EDA: variants seen among roughly 807,000 people sequenced by gnomAD.
EDA encodes the protein ectodysplasin A.
EDA carries 2 observed loss-of-function variants against 23.6 expected under a neutral mutation model. The ratio of observed to expected loss-of-function variants is 0.08; its 90% confidence interval spans 0.03 to 0.27. The LOEUF (loss-of-function observed/expected upper bound fraction) is 0.27, where lower values mean the gene tolerates loss of function less well. EDA is among the 10% of genes least tolerant of loss of function. The pLI, the probability that EDA is intolerant of heterozygous loss-of-function variation, is 1.00. For synonymous variants in EDA, 131 were observed against 132.0 expected (o/e 0.99, Z 0.05); for missense variants, 229 against 324.2 (o/e 0.71, Z 2.26).
At chrX:69,904,146 A>G (rs1422711095) in intron 1 of EDA, among the ~76,000 whole-genome samples, 5 of 111,634 alleles carry the variant, frequency 4.5e-5, no homozygotes, top group African/African-American at 1.6e-4. Flanking sequence ...ACAATGTGTA[A>G]TGATCAAATC....
intron 1 of EDA, among the ~76,000 whole-genome samples, chrX:69,646,885 G>A (rs1050847654): frequency 1.2e-4 from 13 of 111,911 alleles, no homozygotes; most frequent in Non-Finnish European, 2.1e-4. Context: ...TGAAAGGCAG[G>A]TCTGGTGGTA....
intron 1 of EDA, among the ~76,000 whole-genome samples, chrX:69,823,820 T>C (rs1466134785): frequency 7.6e-5 from 7 of 92,375 alleles, no homozygotes; most frequent in Non-Finnish European, 1.5e-4. Context: ...CTAGGGTTTT[T>C]ATGGTTTTAG....
At chrX:69,702,763 G>C (rs376429753) in intron 1 of EDA, among the ~76,000 whole-genome samples, 2 of 111,051 alleles carry the variant, frequency 1.8e-5, no homozygotes, top group Non-Finnish European at 3.8e-5. Flanking sequence ...AAAAAGCCTG[G>C]ACATAAGGAA....
In EDA at chrX:69,894,680, AT is replaced by A. The variant is rs1318479801; in HGVS notation, c.397-62345del. ...CTTTTTTGTGGCTATTGTGAGTGGG[AT>A]TGCATTCTTGATTTTGTTCTCAGCT... On this transcript the variant is annotated intron_variant, in intron 1 of 7. Coordinates refer to ENST00000374552, the MANE Select transcript of EDA (RefSeq NM_001399.5). Among the ~76,000 whole-genome samples the A allele has an allele frequency of 2.7e-5, 3 of 111,242 alleles. No homozygotes were observed. In the East Asian group the frequency reaches 8.5e-4, roughly 31 times the overall value.
intron 1 of EDA, among the ~76,000 whole-genome samples, chrX:69,750,037 C>CT (rs1279620831): frequency 2.0e-5 from 2 of 99,076 alleles, no homozygotes; most frequent in Admixed American, 2.3e-4. Flanking sequence ...TATGATTATA[C>CT]TTTAAGTTCT....
At position 69,751,417 on chromosome X, in the gene EDA, G is replaced by C. The variant is rs1330585232; in HGVS notation, c.396+134713G>C. ...TTTGGTACCAGTACCATGCTGTTTT[G>C]GTTACGGTGGCCTTGTAGTATAGTT... On this transcript the variant is annotated intron_variant, in intron 1 of 7. Coordinates refer to ENST00000374552, the MANE Select transcript of EDA (RefSeq NM_001399.5). 2.1e-4 allele frequency among the ~76,000 whole-genome samples: 24 copies of C among 112,426 alleles called. No individual in the cohort carries two copies. The Admixed American group carries it at 2.2e-3, about 10-fold the overall frequency.
At chrX:69,781,359 G>A (rs1461516298) in intron 1 of EDA, among the ~76,000 whole-genome samples, 1 of 111,603 alleles carries the variant, frequency 9.0e-6, no homozygotes, top group African/African-American at 3.3e-5. Flanking sequence ...ATTATCATCA[G>A]CAGTTTATGA....
intron 1 of EDA, among the ~76,000 whole-genome samples, chrX:69,876,029 C>T (rs1307070532): frequency 1.8e-5 from 2 of 111,891 alleles, no homozygotes; most frequent in Non-Finnish European, 3.8e-5. Context: ...CACTTTTGCA[C>T]TGCTGGTGGG....
intron 1 of EDA, among the ~76,000 whole-genome samples, chrX:69,681,181 G>A (rs767630886): frequency 4.5e-5 from 5 of 110,970 alleles, no homozygotes; most frequent in African/African-American, 9.8e-5. Context: ...GAGTTTCTGC[G>A]GAGAGATCTG....
intron 1 of EDA, among the ~76,000 whole-genome samples, chrX:69,801,743 A>G (rs2147488491): frequency 8.9e-6 from 1 of 112,044 alleles, no homozygotes; most frequent in East Asian, 2.8e-4. Flanking sequence ...ACTAATAAAC[A>G]TAAAAAGATT....
intron 1 of EDA, among the ~76,000 whole-genome samples, chrX:69,681,554 C>T (rs1014032744): frequency 8.1e-5 from 9 of 111,245 alleles, no homozygotes; most frequent in African/African-American, 2.9e-4. Flanking sequence ...CTTCCCTTCT[C>T]GCTTAATTTC....
intron 1 of EDA, among the ~76,000 whole-genome samples, chrX:69,892,900 T>A (rs2017955217): frequency 9.0e-6 from 1 of 111,486 alleles, no homozygotes; most frequent in African/African-American, 3.3e-5. Context: ...TTTCATTTAT[T>A]AATGTTACCT....
At chrX:70,018,991 A>G (rs1366995853) in intron 2 of EDA, among the ~76,000 whole-genome samples, 1 of 112,177 alleles carries the variant, frequency 8.9e-6, no homozygotes, top group Non-Finnish European at 1.9e-5. Context: ...AAACAAATAT[A>G]CAAGCAAAAA....
At chrX:69,871,664 A>G (rs946220982) in intron 1 of EDA, among the ~76,000 whole-genome samples, 3 of 112,083 alleles carry the variant, frequency 2.7e-5, no homozygotes, top group Admixed American at 9.5e-5. Flanking sequence ...ACACAGACAC[A>G]CCCAGGATTA....
rs760176625 is a variant in EDA, at chrX:69,734,616, G to A, written c.396+117912G>A. 4.1e-4 allele frequency among the ~76,000 whole-genome samples: 45 copies of A among 110,864 alleles called. 2 individuals carry two copies. The highest frequency in any genetic ancestry group is 1.2e-3 in the Admixed American group (12 of 10,421). On this transcript the variant is annotated intron_variant, in intron 1 of 7. Transcript: ENST00000374552. ...CTTTAACTATATCCAAAAAATTTTGGTATGTTGAATTTTCATTTTCATTCA... is the reference window on the plus strand; with the variant it reads ...CTTTAACTATATCCAAAAAATTTTGATATGTTGAATTTTCATTTTCATTCA...
chrX:69,890,241 G>A (rs923938680), intron 1 of EDA, among the ~76,000 whole-genome samples: 1 of 110,846 alleles, frequency 9.0e-6, no homozygotes, highest in African/African-American at 3.3e-5. Flanking sequence ...ACAAACTAAC[G>A]GAAAAACATT....
intron 1 of EDA, among the ~76,000 whole-genome samples, chrX:69,845,873 A>C (rs774629258): frequency 4.1e-4 from 45 of 109,607 alleles, no homozygotes; most frequent in Non-Finnish European, 2.9e-4. Context: ...TTTCTGCCAC[A>C]ACCATGTGAG....
chrX:69,667,018 T>C (rs1314411977), intron 1 of EDA, among the ~76,000 whole-genome samples: 2 of 111,526 alleles, frequency 1.8e-5, no homozygotes, highest in African/African-American at 6.5e-5. Flanking sequence ...TCAATCTTGG[T>C]AGGTTGTATT....
chrX:69,797,181 T>C (rs2015564956), intron 1 of EDA, among the ~76,000 whole-genome samples: 1 of 111,416 alleles, frequency 9.0e-6, no homozygotes. Flanking sequence ...ATTTTATAAA[T>C]AAAACTTCCT....
Sources: allele counts gnomAD v4.1 joint callset (sites outside exome capture counted in the v4.1 genomes callset), GRCh38; gene constraint gnomAD v4.1.1; transcripts MANE v1.5; gene names NCBI Gene and HGNC (gene_info 2026-07-23, HGNC 2026-07-21).